The following DOCK1 variants were observed in gnomAD, a reference collection of about 807,000 sequenced individuals.
The protein encoded by DOCK1 is dedicator of cytokinesis 1.
DOCK1 carries 138 observed loss-of-function variants against 262.7 expected under a neutral mutation model. That is an observed-to-expected ratio of 0.53 (90% CI 0.46 to 0.61). The LOEUF (loss-of-function observed/expected upper bound fraction) is 0.61, where lower values mean the gene tolerates loss of function less well. Among genes scored for constraint, DOCK1 ranks in the 20% least tolerant of loss-of-function variants. The probability of loss-of-function intolerance (pLI) is 0.00; values close to 1 mark genes in which losing one functional copy is unlikely to be tolerated. For synonymous variants in DOCK1, 866 were observed against 867.4 expected (o/e 1.00, Z 0.03); for missense variants, 1,908 against 2,370.7 (o/e 0.80, Z 4.05).
At chr10:127,269,759 C>A (rs888034434) in intron 29 of DOCK1, among the ~76,000 whole-genome samples, 1 of 152,154 alleles carries the variant, frequency 6.6e-6, no homozygotes, top group African/African-American at 2.4e-5. Context: ...GCTCCGGGCC[C>A]CCTGTGTGAG....
At chr10:127,044,194 A>T (rs1261272180) in intron 21 of DOCK1, among the ~76,000 whole-genome samples, 2 of 152,160 alleles carry the variant, frequency 1.3e-5, no homozygotes, top group African/African-American at 4.8e-5. Flanking sequence ...ACTTTGCAAA[A>T]TACCTGTTTT....
intron 1 of DOCK1, among the ~76,000 whole-genome samples, chr10:126,952,489 G>A (rs2134416538): frequency 6.6e-6 from 1 of 151,762 alleles, no homozygotes; most frequent in Admixed American, 6.6e-5. Flanking sequence ...TATTGTTGGT[G>A]ATGTATTATT....
At position 127,129,683 on chromosome 10, in the gene DOCK1, G is replaced by A. The variant is rs567660972; in HGVS notation, c.2847+1919G>A. Among the ~76,000 whole-genome samples, 61 of 152,338 alleles carry A rather than the reference G, an allele frequency of 4.0e-4. 1 individual carries two copies. The highest frequency in any genetic ancestry group is 4.7e-4 in the Non-Finnish European group (32 of 68,042). On this transcript the variant is annotated intron_variant, in intron 27 of 51. Transcript: ENST00000623213. ...AGGTGCACTCTGCACAGTCTCAGGA[G>A]TGGAACTGGAAAGGGCCTTATGTAG...
At position 127,195,254 on chromosome 10, in the gene DOCK1, G is replaced by C. The variant is rs2057027800; in HGVS notation, c.2848-52754G>C. ...CCAGGAGCTGCCCCGACCCCGGGCT[G>C]CCCGCGGGCTCCCTCCTCCCTCCTG... On this transcript the variant is annotated intron_variant, in intron 27 of 51. Transcript: ENST00000623213. Among the ~76,000 whole-genome samples, 3 of 152,134 alleles carry C rather than the reference G, an allele frequency of 2.0e-5. 1 individual carries two copies. Among genetic ancestry groups the C allele is most frequent in the African/African-American group, 7.2e-5 (3 of 41,436 alleles).
At chr10:127,110,110 C>A (rs1000888462) in intron 24 of DOCK1, 138 bp from the exon 25 acceptor site, 34 of 684,564 alleles carry the variant, frequency 5.0e-5, no homozygotes, top group Non-Finnish European at 8.3e-5. Context: ...GTTATTGACC[C>A]CATAGTGCAT....
intron 43 of DOCK1, among the ~76,000 whole-genome samples, chr10:127,413,398 G>A (rs987628877): frequency 6.6e-6 from 1 of 152,188 alleles, no homozygotes; most frequent in South Asian, 2.1e-4. Flanking sequence ...TCCTTCACAT[G>A]CCCCACAAAG....
At chr10:126,975,712 C>T (rs1244655442) in intron 2 of DOCK1, among the ~76,000 whole-genome samples, 1 of 151,488 alleles carries the variant, frequency 6.6e-6, no homozygotes, top group South Asian at 2.1e-4. Flanking sequence ...GCAACCTCTG[C>T]CTCCCTGGTT....
chr10:127,279,048 G>A (rs1304369503), intron 29 of DOCK1, among the ~76,000 whole-genome samples: 3 of 152,198 alleles, frequency 2.0e-5, no homozygotes, highest in African/African-American at 4.8e-5. Context: ...GACAAATTCT[G>A]TTGTTCCTCC....
chr10:127,376,796 G>C (rs1348990834), intron 35 of DOCK1, among the ~76,000 whole-genome samples: 1 of 152,114 alleles, frequency 6.6e-6, no homozygotes, highest in Non-Finnish European at 1.5e-5. Flanking sequence ...ACTTTTATTT[G>C]TTTTAAGCAA....
At chr10:126,966,185 A>C (rs1218219341) in intron 1 of DOCK1, among the ~76,000 whole-genome samples, 1 of 152,346 alleles carries the variant, frequency 6.6e-6, no homozygotes, top group East Asian at 1.9e-4. Context: ...GTTGGGAATG[A>C]CAAGATTCTA....
chr10:127,375,019 C>T lies in DOCK1; in HGVS notation c.3675+805C>T, dbSNP rs527521010. On this transcript the variant is annotated intron_variant, in intron 35 of 51. Transcript: ENST00000623213. ...AGATCTGGGCACCATGGAGAACAGA[C>T]GCCTGGGCGACCTTGGCTGCTGCCA... Among the ~76,000 whole-genome samples the T allele has an allele frequency of 4.9e-4, 74 of 152,396 alleles. 1 individual carries two copies. The highest frequency in any genetic ancestry group is 1.2e-3 in the South Asian group (6 of 4,828).
intron 23 of DOCK1, among the ~76,000 whole-genome samples, chr10:127,069,094 C>T (rs940381016): frequency 5.3e-5 from 8 of 152,180 alleles, no homozygotes; most frequent in Admixed American, 2.6e-4. Context: ...ATGATCAAGG[C>T]GATTAGGGCT....
At chr10:127,380,022 G>A in intron 35 of DOCK1, 60 bp from the exon 36 acceptor site, 1 of 1,145,314 alleles carries the variant, frequency 8.7e-7, no homozygotes, top group Non-Finnish European at 1.3e-6. Flanking sequence ...TTTTTATTGT[G>A]CATGTGATAC....
At chr10:127,047,063 C>T (rs1263530363) in intron 21 of DOCK1, among the ~76,000 whole-genome samples, 1 of 152,226 alleles carries the variant, frequency 6.6e-6, no homozygotes, top group Non-Finnish European at 1.5e-5. Context: ...TGGTGTCTTA[C>T]TGGCTGCACG....
chr10:127,383,624 C>T (rs532130491), intron 37 of DOCK1, among the ~76,000 whole-genome samples: 1 of 152,338 alleles, frequency 6.6e-6, no homozygotes, highest in Admixed American at 6.5e-5. Context: ...GGGAGGTGCT[C>T]CCCAGCCCGT....
rs2070534067 is a variant in DOCK1, at chr10:127,446,179, G to C, written c.5414-1215G>C. On this transcript the variant is annotated intron_variant, in intron 50 of 51. Transcript: ENST00000623213. This position sits in a 1 kb window ranked among gnomAD's most constrained non-coding sequence, Gnocchi z 4.4. ...GCAGGAGAATCACTTGAACCTGGGA[G>C]GCGGAGGTTGCAGTGAGCTGAGATC... Among the ~76,000 whole-genome samples, 1 of 152,012 alleles carries C rather than the reference G, an allele frequency of 6.6e-6. No individual in the cohort carries two copies. The highest frequency in any genetic ancestry group is 2.1e-4 in the South Asian group (1 of 4,790).
intron 31 of DOCK1, among the ~76,000 whole-genome samples, chr10:127,352,272 GGGGAGGGGT>G: frequency 2.2e-5 from 2 of 92,444 alleles, no homozygotes; most frequent in African/African-American, 1.2e-4. Flanking sequence ...GGGGAGGGGT[GGGGAGGGGT>G]GGGAAGCATC....
chr10:127,407,721 G>A (rs1161505853), intron 40 of DOCK1, among the ~76,000 whole-genome samples: 4 of 152,096 alleles, frequency 2.6e-5, no homozygotes, highest in Admixed American at 1.3e-4. Flanking sequence ...ACTGCAGATG[G>A]GGCAGGGCTG....
At chr10:127,103,145 G>A (rs1203977838) in intron 23 of DOCK1, among the ~76,000 whole-genome samples, 2 of 152,176 alleles carry the variant, frequency 1.3e-5, no homozygotes. Flanking sequence ...TCTTGTTACT[G>A]CGTCGAGTTC....
Sources: allele counts gnomAD v4.1 joint callset (sites outside exome capture counted in the v4.1 genomes callset), GRCh38; gene constraint gnomAD v4.1.1; non-coding constraint Gnocchi (gnomAD v3.1); transcripts MANE v1.5; gene names NCBI Gene and HGNC (gene_info 2026-07-23, HGNC 2026-07-21).